FAM184B: variants seen among roughly 807,000 people sequenced by gnomAD.
FAM184B encodes family with sequence similarity 184 member B.
Under a neutral mutation model 135.9 loss-of-function variants are expected in FAM184B, and 111 were observed. The observed-to-expected ratio is 0.82, with a 90% CI of 0.70 to 0.96. The LOEUF (loss-of-function observed/expected upper bound fraction) is 0.96, where lower values mean the gene tolerates loss of function less well. Ranked by LOEUF, FAM184B falls within the 40% of genes least tolerant of loss-of-function variation. The pLI, the probability that FAM184B is intolerant of heterozygous loss-of-function variation, is 0.00. For synonymous variants in FAM184B, 552 were observed against 524.8 expected (o/e 1.05, Z -0.71); for missense variants, 1,375 against 1,323.9 (o/e 1.04, Z -0.60).
At chr4:17,691,021 G>A (rs1233050258) in intron 6 of FAM184B, among the ~76,000 whole-genome samples, 1 of 152,124 alleles carries the variant, frequency 6.6e-6, no homozygotes, top group Non-Finnish European at 1.5e-5. Flanking sequence ...CAAGACTGAG[G>A]CCCTTTGTCA....
At chr4:17,767,148 C>T (rs905427921) in intron 1 of FAM184B, among the ~76,000 whole-genome samples, 3 of 152,152 alleles carry the variant, frequency 2.0e-5, no homozygotes, top group Admixed American at 6.5e-5. Context: ...CGCTGGCCCG[C>T]GAGGGCTGCA....
intron 12 of FAM184B, among the ~76,000 whole-genome samples, chr4:17,643,589 C>T (rs1273220436): frequency 6.6e-6 from 1 of 152,190 alleles, no homozygotes; most frequent in African/African-American, 2.4e-5. Flanking sequence ...TGGCTCCCAC[C>T]CATCTAAACA....
At chr4:17,770,471 TTG>T (rs1718794765) in intron 1 of FAM184B, among the ~76,000 whole-genome samples, 2 of 151,042 alleles carry the variant, frequency 1.3e-5, no homozygotes, top group African/African-American at 4.9e-5. Context: ...GTTGTTGTTG[TTG>T]TTTTTTCTGA....
chr4:17,704,660 G>C (rs895948500), intron 5 of FAM184B, among the ~76,000 whole-genome samples: 1 of 152,114 alleles, frequency 6.6e-6, no homozygotes, highest in Non-Finnish European at 1.5e-5. Context: ...TTTGGTTAAT[G>C]GTATTTCTCT....
Position 17,658,464 on chromosome 4 carries a change from C to G in FAM184B, c.1923G>C (p.Leu641=). Residue 641 remains leucine (L), a synonymous_variant, in exon 10 of 18, where the codon CTG becomes CTC. Transcript: ENST00000265018. ...GAGTGGTCTCCTGGAGCTCACGCTG[C>G]AGCTTCTCCCTCTCCAGGTCCGAGA... ...KQLSDLEREK[L]QRELQETTQQ... 1 of 1,551,576 alleles carries G rather than the reference C, an allele frequency of 6.4e-7. No individual in the cohort carries two copies. Among genetic ancestry groups the G allele is most frequent in the South Asian group, 1.2e-5 (1 of 84,056 alleles).
chr4:17,772,031 T>C (rs904652114), intron 1 of FAM184B, among the ~76,000 whole-genome samples: 9 of 152,208 alleles, frequency 5.9e-5, no homozygotes, highest in Non-Finnish European at 1.0e-4. Flanking sequence ...GTGATTTAGC[T>C]GATACCAGCT....
chr4:17,726,268 C>A (rs574953579), intron 1 of FAM184B, among the ~76,000 whole-genome samples: 2 of 152,260 alleles, frequency 1.3e-5, no homozygotes, highest in Admixed American at 1.3e-4. Context: ...TTCCCAAATC[C>A]ATTAGCTTGG....
intron 15 of FAM184B, among the ~76,000 whole-genome samples, chr4:17,635,548 C>T (rs945810265): frequency 6.6e-6 from 1 of 151,408 alleles, no homozygotes; most frequent in Non-Finnish European, 1.5e-5. Flanking sequence ...ACTATATGGC[C>T]GATCTTGTTT....
intron 1 of FAM184B, among the ~76,000 whole-genome samples, chr4:17,747,320 G>A (rs1303562484): frequency 6.6e-6 from 1 of 152,120 alleles, no homozygotes; most frequent in Non-Finnish European, 1.5e-5. Context: ...AGGCAGTTGA[G>A]GGGGTGTGGG....
intron 1 of FAM184B, among the ~76,000 whole-genome samples, chr4:17,759,637 C>T (rs1718497982): frequency 6.6e-6 from 1 of 152,038 alleles, no homozygotes; most frequent in Admixed American, 6.6e-5. Flanking sequence ...AGATTACAGA[C>T]ATCCACCACC....
intron 1 of FAM184B, among the ~76,000 whole-genome samples, chr4:17,731,017 C>A (rs370651587): frequency 2.6e-5 from 4 of 151,946 alleles, no homozygotes; most frequent in Non-Finnish European, 5.9e-5. Context: ...TGAAATGAAG[C>A]GCGAAGGGAA....
intron 1 of FAM184B, among the ~76,000 whole-genome samples, chr4:17,720,902 A>G (rs866572678): frequency 7.4e-6 from 1 of 135,690 alleles, no homozygotes; most frequent in Non-Finnish European, 1.6e-5. Context: ...AAAAAAAAAA[A>G]GAAAGAAAAA....
At chr4:17,753,717 T>C (rs182053595) in intron 1 of FAM184B, among the ~76,000 whole-genome samples, 70 of 152,276 alleles carry the variant, frequency 4.6e-4, no homozygotes, top group African/African-American at 1.6e-3. Context: ...AGCAGGTGAA[T>C]GCAGTTTGTC....
In FAM184B at chr4:17,632,623, G is replaced by T; in HGVS notation, c.3092C>A (p.Thr1031Asn). Residue 1031 changes from threonine to asparagine, a missense_variant and splice_region_variant, in exon 18 of 18, where the codon ACC becomes AAC. Transcript: ENST00000265018. The stretch of plus-strand genomic sequence containing the variant: ...GGCTTGGGCCGTTTCACCATCTGGG[G>T]TCCTAAAAGCAAAAAAAGGTTTTTT... Reference protein sequence around the residue: ...QSTDAKTATRTPDGETAQAKE... With the variant: ...QSTDAKTATRNPDGETAQAKE... The T allele has an allele frequency of 6.5e-7, 1 of 1,527,728 alleles. No individual in the cohort carries two copies. Among genetic ancestry groups the T allele is most frequent in the Non-Finnish European group, 8.8e-7 (1 of 1,135,968 alleles). The allele number at this position is 1,527,728 out of a possible 1,614,324, so 94.6% of individuals were successfully genotyped here.
rs766477905 is a variant in FAM184B, at chr4:17,707,757, G to C, written c.922C>G (p.Arg308Gly). Residue 308 changes from arginine to glycine, a missense_variant, in exon 3 of 18, where the codon CGA becomes GGA. Transcript: ENST00000265018. ...CCTTTCAACTCTGAATTCTCCTGTC[G>C]AGCCTCCTTAAGCTGCACATCCAGG... ...QDLDVQLKEA[R>G]QENSELKGTA... 2.6e-6 allele frequency: 4 copies of C among 1,551,890 alleles called. No individual in the cohort carries two copies. The highest frequency in any genetic ancestry group is 1.4e-5 in the African/African-American group (1 of 73,158).
chr4:17,700,131 C>T lies in FAM184B; in HGVS notation c.1377+4869G>A, dbSNP rs1046931238. 1.6e-4 allele frequency among the ~76,000 whole-genome samples: 25 copies of T among 151,876 alleles called. No individual in the cohort carries two copies. The East Asian group carries it at 1.7e-3, about 11-fold the overall frequency. ...AAATACTCAATGTATCCAAATTAAA[C>T]GGGAAAAGGGGGTGGGGAACAGATG... On this transcript the variant is annotated intron_variant, in intron 5 of 17. Coordinates refer to ENST00000265018, the MANE Select transcript of FAM184B (RefSeq NM_015688.2).
rs1577253756 is a variant in FAM184B, at chr4:17,667,733, CTT to C, written c.1597-3076_1597-3075del. On this transcript the variant is annotated intron_variant, in intron 7 of 17. Coordinates refer to ENST00000265018, the MANE Select transcript of FAM184B (RefSeq NM_015688.2). ...TCCCTACATACTCTGGACCATGTGA[CTT>C]TGCATAAAATATAGAAGATGGAAGT... Among the ~76,000 whole-genome samples the C allele has an allele frequency of 4.6e-5, 7 of 152,368 alleles. No individual in the cohort carries two copies. The East Asian group carries it at 1.2e-3, about 25-fold the overall frequency.
intron 7 of FAM184B, among the ~76,000 whole-genome samples, chr4:17,684,738 C>A (rs2108954586): frequency 6.6e-6 from 1 of 152,284 alleles, no homozygotes; most frequent in South Asian, 2.1e-4. Flanking sequence ...GCACTTCCCT[C>A]TAGAAACCGA....
Position 17,756,863 on chromosome 4 carries a change from G to A in FAM184B, c.141+24296C>T, listed in dbSNP as rs571541774. On this transcript the variant is annotated intron_variant, in intron 1 of 17. Transcript: ENST00000265018. ...CACTTGAACCTGGGAGGTGGAGGTT[G>A]CAGTGAGCCAAGATCACGTCACTGC... Among the ~76,000 whole-genome samples, 156 of 152,282 alleles carry A rather than the reference G, an allele frequency of 1.0e-3. 1 individual carries two copies. Among genetic ancestry groups the A allele is most frequent in the African/African-American group, 3.7e-3 (153 of 41,556 alleles).
Sources: gnomAD v4.1 joint callset for allele counts (sites outside exome capture counted in the v4.1 genomes callset) on GRCh38, gnomAD v4.1.1 for gene constraint, MANE v1.5 for transcripts, NCBI Gene and HGNC (gene_info 2026-07-23, HGNC 2026-07-21) for gene names.